The following PDZD2 variants were observed in gnomAD, a reference collection of about 807,000 sequenced individuals.
PDZD2 encodes the protein PDZ domain containing 2, also known as PDZ domain-containing protein 2.
A neutral mutation model predicts 220.7 loss-of-function variants in PDZD2; 90 were observed. The ratio of observed to expected loss-of-function variants is 0.41; its 90% CI spans 0.34 to 0.49. PDZD2 has a LOEUF of 0.49. PDZD2 is among the 20% of genes least tolerant of loss of function. PDZD2 has a pLI of 0.28. For missense variants in PDZD2, 3,174 were observed against 3,608.5 expected, an observed-to-expected ratio of 0.88 and a Z score of 3.08; for synonymous variants, 1,375 against 1,450.5, an observed-to-expected ratio of 0.95 and a Z score of 1.18.
At chr5:31,991,938 C>G (rs983159407) in intron 3 of PDZD2, among the ~76,000 whole-genome samples, 1 of 152,126 alleles carries the variant, frequency 6.6e-6, no homozygotes, top group Non-Finnish European at 1.5e-5. Context: ...GAGGCTGAGG[C>G]AGGAGAATCA....
At chr5:31,966,603 G>A (rs1361195058) in intron 2 of PDZD2, among the ~76,000 whole-genome samples, 1 of 152,140 alleles carries the variant, frequency 6.6e-6, no homozygotes, top group Non-Finnish European at 1.5e-5. Flanking sequence ...AGACTTAAAA[G>A]TTGCTCTGTC....
At chr5:31,663,912 T>G (rs1051613500) in intron 1 of PDZD2, among the ~76,000 whole-genome samples, 1 of 151,724 alleles carries the variant, frequency 6.6e-6, no homozygotes, top group African/African-American at 2.4e-5. Context: ...CATGTATCTG[T>G]GTGTGAGTGT....
At chr5:31,740,536 A>C (rs1482949108) in intron 1 of PDZD2, among the ~76,000 whole-genome samples, 1 of 102,268 alleles carries the variant, frequency 9.8e-6, no homozygotes. Flanking sequence ...AAAAAAAAAA[A>C]AAAAAAAAAA....
At position 32,074,187 on chromosome 5, in the gene PDZD2, C is replaced by T. The variant is rs1379257008; in HGVS notation, c.3081C>T (p.Ser1027=). 6 of 1,614,078 alleles carry T rather than the reference C, an allele frequency of 3.7e-6. No individual in the cohort carries two copies. Among genetic ancestry groups the T allele is most frequent in the Non-Finnish European group, 5.1e-6 (6 of 1,180,024 alleles). ...AACGACCCCGGAAAACACTGGTGAG[C>T]AAGGCCATCTCGGCACCTCTTCTTG... ...QEERPRKTLV[S]KAISAPLLGS... is the part of the protein sequence containing the mutation. The change falls in exon 18 of 25, where the codon AGC becomes AGT. Residue 1027 remains serine (S), a synonymous_variant. Transcript: ENST00000438447.
chr5:31,906,566 G>C (rs184408014), intron 2 of PDZD2, among the ~76,000 whole-genome samples: 3 of 152,126 alleles, frequency 2.0e-5, no homozygotes, highest in African/African-American at 4.8e-5. Context: ...TTTATAGCCG[G>C]GTGCAGTGGC....
intron 2 of PDZD2, among the ~76,000 whole-genome samples, chr5:31,823,647 G>C (rs1054259425): frequency 1.3e-5 from 2 of 152,144 alleles, no homozygotes; most frequent in Non-Finnish European, 2.9e-5. Context: ...ACAGGAAAAA[G>C]ATACCTCAGG....
intron 2 of PDZD2, chr5:31,832,624 T>C (rs1335270771): frequency 6.6e-6 from 1 of 152,160 alleles, no homozygotes; most frequent in Admixed American, 6.5e-5. Flanking sequence ...GAGACCAGTC[T>C]GGCCAACACG....
chr5:31,782,269 A>G (rs1864121), intron 1 of PDZD2, among the ~76,000 whole-genome samples: 101,230 of 152,008 alleles, frequency 0.67, 33,826 homozygotes, highest in Middle Eastern at 0.72. Flanking sequence ...ATATGTCCCA[A>G]CTATTACATG....
chr5:31,734,754 A>T (rs1443365084), intron 1 of PDZD2, among the ~76,000 whole-genome samples: 1 of 152,102 alleles, frequency 6.6e-6, no homozygotes, highest in Non-Finnish European at 1.5e-5. Flanking sequence ...GTACCCAATC[A>T]CGAGATTGGT....
At chr5:31,814,912 A>T (rs779388227) in intron 2 of PDZD2, among the ~76,000 whole-genome samples, 2 of 152,082 alleles carry the variant, frequency 1.3e-5, no homozygotes, top group Non-Finnish European at 2.9e-5. Flanking sequence ...AGTTCTTCCT[A>T]TGTAGAAGAA....
At chr5:31,886,568 A>G (rs1740495600) in intron 2 of PDZD2, among the ~76,000 whole-genome samples, 1 of 151,898 alleles carries the variant, frequency 6.6e-6, no homozygotes, top group African/African-American at 2.4e-5. Context: ...GCTTTTGTGA[A>G]GGATGCTGAG....
chr5:31,909,462 T>A (rs1351888465), intron 2 of PDZD2, among the ~76,000 whole-genome samples: 1 of 152,154 alleles, frequency 6.6e-6, no homozygotes, highest in Non-Finnish European at 1.5e-5. Context: ...TAAGATGCTT[T>A]TTGATAACAG....
chr5:32,092,622 C>G (rs1464914976), intron 20 of PDZD2, among the ~76,000 whole-genome samples: 1 of 152,178 alleles, frequency 6.6e-6, no homozygotes, highest in Non-Finnish European at 1.5e-5. Context: ...TATTTTAAAA[C>G]ATGTCAGAAG....
intron 12 of PDZD2, 116 bp from the exon 13 acceptor site, chr5:32,059,123 G>C: frequency 1.6e-6 from 1 of 608,502 alleles, no homozygotes; most frequent in South Asian, 2.0e-5. Context: ...GTCTGGACCA[G>C]AAATAAATGG....
At chr5:31,890,068 A>C in intron 2 of PDZD2, among the ~76,000 whole-genome samples, 1 of 147,936 alleles carries the variant, frequency 6.8e-6, no homozygotes, top group Non-Finnish European at 1.5e-5. Context: ...CACCAAAACA[A>C]ACAAACAAAA....
chr5:31,829,772 G>A (rs1199337954), intron 2 of PDZD2, among the ~76,000 whole-genome samples: 1 of 152,082 alleles, frequency 6.6e-6, no homozygotes, highest in Non-Finnish European at 1.5e-5. Context: ...CCTATCTATG[G>A]CTGGGTGTGG....
intron 2 of PDZD2, among the ~76,000 whole-genome samples, chr5:31,879,841 C>T (rs6883393): frequency 0.56 from 84,112 of 150,798 alleles, 25,714 homozygotes; most frequent in African/African-American, 0.82. Context: ...ACCAAACTGA[C>T]CTGTGATTTA....
intron 1 of PDZD2, among the ~76,000 whole-genome samples, chr5:31,689,336 C>CATATATATATATATAT (rs200801339): frequency 2.0e-4 from 11 of 55,216 alleles, no homozygotes; most frequent in African/African-American, 1.1e-3. Context: ...TATACATATA[C>CATATATATATATATAT]ATATATATAT....
chr5:32,110,733 AC>A lies in PDZD2; in HGVS notation c.*2600del, dbSNP rs1048275797. ...GAATTTGATGGTTGACTTAATTGGC[AC>A]CATAACTTTGTATGATATTATACAT... On this transcript the variant is annotated 3_prime_UTR_variant, in exon 25 of 25. Coordinates refer to ENST00000438447, the MANE Select transcript of PDZD2 (RefSeq NM_178140.4). 1.6e-4 allele frequency: 25 copies of A among 152,764 alleles called. No homozygotes were observed. The highest frequency in any genetic ancestry group is 5.8e-4 in the African/African-American group (24 of 41,568). 9.5% of individuals were successfully genotyped at this position (152,764 alleles called of 1,614,324 possible). A position where few individuals can be genotyped will look rare whatever the true frequency, so the allele number is the denominator to read the frequency against.
Sources: allele counts gnomAD v4.1 joint callset (sites outside exome capture counted in the v4.1 genomes callset), GRCh38; gene constraint gnomAD v4.1.1; transcripts MANE v1.5; gene names NCBI Gene and HGNC (gene_info 2026-07-23, HGNC 2026-07-21).